The following GRB10 variants were observed in gnomAD, a reference collection of about 807,000 sequenced individuals.
GRB10 encodes the protein growth factor receptor-bound protein 10.
In GRB10, 20 loss-of-function variants were observed where a neutral mutation model predicts 80.9. That is an observed-to-expected ratio of 0.25 (90% CI 0.17 to 0.36). GRB10 has a LOEUF of 0.36. GRB10 is among the 10% of genes least tolerant of loss of function. The probability of loss-of-function intolerance (pLI) is 1.00; values close to 1 mark genes in which losing one functional copy is unlikely to be tolerated. For synonymous variants in GRB10, 291 were observed against 291.5 expected (o/e 1.00, Z 0.02); for missense variants, 548 against 747.7 (o/e 0.73, Z 3.12).
chr7:50,648,478 C>T (rs978254327), intron 7 of GRB10, among the ~76,000 whole-genome samples: 6 of 152,168 alleles, frequency 3.9e-5, no homozygotes, highest in Non-Finnish European at 8.8e-5. Context: ...GTAATTTTAA[C>T]CACTGCCTTA....
intron 3 of GRB10, among the ~76,000 whole-genome samples, chr7:50,750,230 G>T (rs1407898779): frequency 1.3e-5 from 2 of 152,160 alleles, no homozygotes; most frequent in Admixed American, 6.5e-5. Flanking sequence ...AGCTGCCAAG[G>T]CAGCAAGTTC....
chr7:50,742,267 GCGCGCACACACACACACACACA>G (rs1190355441), intron 3 of GRB10, among the ~76,000 whole-genome samples: 28 of 30,996 alleles, frequency 9.0e-4, no homozygotes, highest in East Asian at 4.0e-3. Flanking sequence ...GCGCACGCGC[GCGCGCACACACACACACACACA>G]CACACACACA....
chr7:50,749,248 C>A (rs2073699698), intron 3 of GRB10, among the ~76,000 whole-genome samples: 1 of 151,596 alleles, frequency 6.6e-6, no homozygotes. Context: ...CCTGCCTCAG[C>A]CTCCAGAGTA....
intron 4 of GRB10, among the ~76,000 whole-genome samples, chr7:50,717,450 A>AGTGTGT (rs10559456): frequency 6.6e-6 from 1 of 151,482 alleles, no homozygotes; most frequent in Non-Finnish European, 1.5e-5. Context: ...AAGCTTGAAG[A>AGTGTGT]GTGTGTGTGT....
At chr7:50,706,185 A>C (rs1211489697) in intron 4 of GRB10, among the ~76,000 whole-genome samples, 4 of 152,240 alleles carry the variant, frequency 2.6e-5, no homozygotes, top group African/African-American at 9.6e-5. Context: ...TTTGTTGTAC[A>C]CAACTAGACA....
chr7:50,690,228 G>A (rs2062636373), intron 5 of GRB10, among the ~76,000 whole-genome samples: 1 of 152,024 alleles, frequency 6.6e-6, no homozygotes, highest in African/African-American at 2.4e-5. Flanking sequence ...CCCGGGAGGT[G>A]GAGGTTGCGA....
chr7:50,745,904 C>T (rs916441396), intron 3 of GRB10, among the ~76,000 whole-genome samples: 1 of 152,188 alleles, frequency 6.6e-6, no homozygotes, highest in African/African-American at 2.4e-5. Flanking sequence ...AACTCTCTGG[C>T]TAAATTAGGA....
intron 5 of GRB10, among the ~76,000 whole-genome samples, chr7:50,697,654 G>A (rs1159299769): frequency 6.6e-6 from 1 of 152,142 alleles, no homozygotes; most frequent in Non-Finnish European, 1.5e-5. Flanking sequence ...ATTATGCCTC[G>A]AAAATTAAGG....
intron 2 of GRB10, among the ~76,000 whole-genome samples, chr7:50,757,559 C>T (rs1440658353): frequency 1.3e-5 from 2 of 152,196 alleles, no homozygotes; most frequent in African/African-American, 2.4e-5. Flanking sequence ...TATGCAAAAG[C>T]ATTTTATTAA....
intron 2 of GRB10, among the ~76,000 whole-genome samples, chr7:50,772,800 C>T (rs989833491): frequency 5.3e-5 from 8 of 152,146 alleles, no homozygotes; most frequent in Admixed American, 3.9e-4. Context: ...TAGGACACTA[C>T]GAAGACAGTG....
intron 5 of GRB10, among the ~76,000 whole-genome samples, chr7:50,690,027 T>C (rs1371397859): frequency 6.7e-6 from 1 of 150,148 alleles, no homozygotes; most frequent in African/African-American, 2.4e-5. Flanking sequence ...CTGGGCGCGG[T>C]GGCTCACGCC....
intron 4 of GRB10, among the ~76,000 whole-genome samples, chr7:50,713,677 A>C (rs1587337766): frequency 4.1e-5 from 3 of 72,454 alleles, no homozygotes; most frequent in African/African-American, 5.7e-5. Context: ...CACCACCTCC[A>C]CCTCCTCCAT....
At chr7:50,698,774 ATTC>A (rs2063770922) in intron 5 of GRB10, among the ~76,000 whole-genome samples, 1 of 152,240 alleles carries the variant, frequency 6.6e-6, no homozygotes, top group Non-Finnish European at 1.5e-5. Context: ...TTGTCTTCAA[ATTC>A]TTGAGTTTCA....
chr7:50,729,115 G>A (rs575094214), intron 4 of GRB10, among the ~76,000 whole-genome samples: 1 of 152,376 alleles, frequency 6.6e-6, no homozygotes, highest in South Asian at 2.1e-4. Context: ...GCTGGACAGC[G>A]TGTATGTGCA....
At chr7:50,652,483 C>T (rs535701002) in intron 7 of GRB10, among the ~76,000 whole-genome samples, 122 of 152,326 alleles carry the variant, frequency 8.0e-4, no homozygotes, top group African/African-American at 2.6e-3. Context: ...AAGAGAAGAA[C>T]GCCTTCCAGG....
chr7:50,593,796 A>C (rs757083074), intron 18 of GRB10, among the ~76,000 whole-genome samples: 4 of 152,174 alleles, frequency 2.6e-5, no homozygotes, highest in Non-Finnish European at 4.4e-5. Flanking sequence ...AGGCTTGGCT[A>C]ATTAATGAGC....
intron 3 of GRB10, among the ~76,000 whole-genome samples, chr7:50,754,582 A>G (rs1227173389): frequency 6.6e-6 from 1 of 152,206 alleles, no homozygotes; most frequent in East Asian, 1.9e-4. Flanking sequence ...AGAGAAGGAA[A>G]ATGTCCACAT....
At chr7:50,610,372 G>T (rs763439691) in intron 13 of GRB10, among the ~76,000 whole-genome samples, 24 of 152,224 alleles carry the variant, frequency 1.6e-4, no homozygotes, top group Non-Finnish European at 3.1e-4. Flanking sequence ...CCGGCCCCGA[G>T]GCCATCACTG....
chr7:50,664,746 T>G (rs546075801), intron 7 of GRB10, among the ~76,000 whole-genome samples: 1 of 152,124 alleles, frequency 6.6e-6, no homozygotes, highest in African/African-American at 2.4e-5. Flanking sequence ...GAGCCCAGCC[T>G]CTCCGGCCGG....
Sources: allele counts gnomAD v4.1 joint callset (sites outside exome capture counted in the v4.1 genomes callset), GRCh38; gene constraint gnomAD v4.1.1; transcripts MANE v1.5; gene names NCBI Gene and HGNC (gene_info 2026-07-23, HGNC 2026-07-21).